Variants in KCNC4 observed in about 807,000 individuals in gnomAD.
The protein encoded by KCNC4 is potassium voltage-gated channel subfamily C member 4.
A neutral mutation model predicts 42.8 loss-of-function variants in KCNC4; 23 were observed. The observed-to-expected ratio is 0.54, with a 90% CI of 0.39 to 0.76. The LOEUF (loss-of-function observed/expected upper bound fraction) is 0.76, where lower values mean the gene tolerates loss of function less well. Among genes scored for constraint, KCNC4 ranks in the 30% least tolerant of loss-of-function variants. The pLI, the probability that KCNC4 is intolerant of heterozygous loss-of-function variation, is 0.00. For synonymous variants in KCNC4, 422 were observed against 393.5 expected (o/e 1.07, Z -0.86); for missense variants, 751 against 898.2 (o/e 0.84, Z 2.10).
intron 2 of KCNC4, 129 bp from the exon 3 acceptor site, chr1:110,225,846 T>C: frequency 1.2e-6 from 1 of 859,490 alleles, no homozygotes; most frequent in South Asian, 1.7e-5. Context: ...CAATGCTGCC[T>C]CTCAGGTAGA....
chr1:110,226,331 A>C, intron 3 of KCNC4, 153 bp downstream of exon 3: 1 of 672,760 alleles, frequency 1.5e-6, no homozygotes, highest in Non-Finnish European at 2.7e-6. Flanking sequence ...TGGGTACCTG[A>C]TCTCCCAGTC....
At chr1:110,237,821 G>A (rs1367535272), downstream of KCNC4, 1 of 152,286 alleles carries the variant, frequency 6.6e-6, no homozygotes, top group Non-Finnish European at 1.5e-5. Context: ...CTAGTCTGGA[G>A]CGAGGGGAGT....
chr1:110,238,633 C>A (rs757337292), downstream of KCNC4: 2 of 152,190 alleles, frequency 1.3e-5, no homozygotes, highest in African/African-American at 4.8e-5. Flanking sequence ...ACAGACACAC[C>A]TGCGTGGCAG....
chr1:110,241,819 C>T (rs1160503047), exon 4 of KCNC4: 1 of 152,192 alleles, frequency 6.6e-6, no homozygotes, highest in African/African-American at 2.4e-5. Flanking sequence ...CTTGAATATT[C>T]CTCCATTATA....
chr1:110,233,997 G>C lies in KCNC4; in HGVS notation c.*1025G>C, dbSNP rs766109751. The C allele has an allele frequency of 2.0e-5, 3 of 152,264 alleles. No homozygotes were observed. Among genetic ancestry groups the C allele is most frequent in the South Asian group, 2.1e-4 (1 of 4,810 alleles). 9.4% of individuals were successfully genotyped at this position (152,264 alleles called of 1,614,324 possible). ...TGCCTCCAACTGTCATGCTGTGCTC[G>C]AGCCCCAATAAAGACATCTGGAGCA... On this transcript the variant is annotated 3_prime_UTR_variant, in exon 4 of 4. Coordinates refer to ENST00000438661, the MANE Select transcript of KCNC4 (RefSeq NM_001039574.3).
chr1:110,233,302 C>A lies in KCNC4; in HGVS notation c.*330C>A. ...AGCCCTTGCCCCACCCAGAGTTTCC[C>A]GTCCCCTTCACTGATTTCTGTTGTT... On this transcript the variant is annotated 3_prime_UTR_variant, in exon 4 of 4. Coordinates refer to ENST00000438661, the MANE Select transcript of KCNC4 (RefSeq NM_001039574.3). 2.5e-6 allele frequency: 1 copy of A among 403,372 alleles called. No homozygotes were observed. Among genetic ancestry groups the A allele is most frequent in the Non-Finnish European group, 4.5e-6 (1 of 223,718 alleles). The allele number at this position is 403,372 out of a possible 1,614,324, so 25.0% of individuals were successfully genotyped here. A position where few individuals can be genotyped will look rare whatever the true frequency, so the allele number is the denominator to read the frequency against.
intron 1 of KCNC4, among the ~76,000 whole-genome samples, chr1:110,276,631 T>G (rs1659731676): frequency 6.6e-6 from 1 of 152,174 alleles, no homozygotes; most frequent in Admixed American, 6.5e-5. Context: ...CCAGCCTGTT[T>G]GGGTTCTATT....
intron 1 of KCNC4, among the ~76,000 whole-genome samples, chr1:110,264,250 G>A (rs935023269): frequency 1.9e-4 from 29 of 152,320 alleles, no homozygotes; most frequent in African/African-American, 6.7e-4. Context: ...AATACATAGA[G>A]TCTGTGCATT....
At chr1:110,228,834 C>T (rs571693400) in intron 3 of KCNC4, 2 of 152,478 alleles carry the variant, frequency 1.3e-5, no homozygotes. Flanking sequence ...CTTAGGCCCC[C>T]GAGCCTGCCC....
intron 1 of KCNC4, among the ~76,000 whole-genome samples, chr1:110,264,490 C>A (rs1023458899): frequency 1.3e-5 from 2 of 152,130 alleles, no homozygotes; most frequent in Non-Finnish European, 2.9e-5. Context: ...CTTAGTCCCC[C>A]CTTATCTGAG....
In KCNC4 at chr1:110,232,943, G is replaced by T. The variant is rs753203873; in HGVS notation, c.1852G>T (p.Ala618Ser). The T allele has an allele frequency of 1.6e-5, 26 of 1,611,988 alleles. No homozygotes were observed. In the South Asian group the frequency reaches 2.8e-4, roughly 17 times the overall value. ...TCQDALSSNY[A>S]QAEVLTLS ...CCAAGACGCCCTCTCGTCCAACTAT[G>T]CCCAGGCTGAAGTCCTCACCCTCTC... Residue 618 changes from alanine to serine, a missense_variant, in exon 4 of 4, where the codon GCC (alanine) becomes TCC (serine). Transcript: ENST00000438661.
rs574096948 is a variant in KCNC4 at position 110,223,861 on chromosome 1, C to A, written c.1576C>A (p.Pro526Thr). The change falls in exon 2 of 4, where the codon CCT becomes ACT. Residue 526 changes from proline (P) to threonine (T), a missense_variant. Transcript: ENST00000438661. The surrounding 1 kb of genome is among the most constrained non-coding windows in gnomAD (Gnocchi z 7.5). ...RDSTCSDTSP[P>T]AREEGMIERK... Reference sequence around the variant, plus strand: ...CAGCACCTGCAGTGATACCAGCCCCCCTGCCCGGGAAGAGGGTATGATCGA... The same window carrying A: ...CAGCACCTGCAGTGATACCAGCCCCACTGCCCGGGAAGAGGGTATGATCGA... 6.2e-7 allele frequency: 1 copy of A among 1,604,888 alleles called. No homozygotes were observed. Among genetic ancestry groups the A allele is most frequent in the East Asian group, 2.2e-5 (1 of 44,734 alleles).
chr1:110,258,640 A>G (rs956617359), intron 1 of KCNC4, among the ~76,000 whole-genome samples: 2 of 152,206 alleles, frequency 1.3e-5, no homozygotes, highest in Admixed American at 1.3e-4. Context: ...CCTTCAAATC[A>G]TTCACACAGA....
intron 3 of KCNC4, 145 bp from the exon 4 acceptor site, chr1:110,232,766 G>T: frequency 6.5e-7 from 1 of 1,537,180 alleles, no homozygotes; most frequent in South Asian, 1.2e-5. Context: ...CACACCCTGT[G>T]GGTCAGCAGC....
At chr1:110,221,339 C>T (rs1658084155) in intron 1 of KCNC4, 1 of 152,236 alleles carries the variant, frequency 6.6e-6, no homozygotes, top group South Asian at 2.1e-4. Flanking sequence ...GTTCATCCTG[C>T]ATAAAATGGG....
intron 1 of KCNC4, among the ~76,000 whole-genome samples, chr1:110,262,871 C>T (rs1261395873): frequency 2.0e-5 from 3 of 152,274 alleles, no homozygotes; most frequent in East Asian, 3.9e-4. Context: ...AAGCATTTGT[C>T]GTGATGAGGA....
At chr1:110,226,527 A>T (rs1018384524) in intron 3 of KCNC4, among the ~76,000 whole-genome samples, 1 of 152,122 alleles carries the variant, frequency 6.6e-6, no homozygotes, top group African/African-American at 2.4e-5. Flanking sequence ...CCACAGGGTC[A>T]CTGCCAGCCT....
At chr1:110,280,878 C>T (rs1284775583) in intron 1 of KCNC4, among the ~76,000 whole-genome samples, 1 of 152,184 alleles carries the variant, frequency 6.6e-6, no homozygotes, top group Non-Finnish European at 1.5e-5. Context: ...AATTCCTGGC[C>T]CCACGTAGAC....
chr1:110,239,868 A>C (rs1019123130), exon 4 of KCNC4: 5 of 152,206 alleles, frequency 3.3e-5, no homozygotes, highest in Non-Finnish European at 7.3e-5. Context: ...GGTACTTGTC[A>C]AATTCCCCTT....
Sources: gnomAD v4.1 joint callset for allele counts (sites outside exome capture counted in the v4.1 genomes callset) on GRCh38, gnomAD v4.1.1 for gene constraint, Gnocchi (gnomAD v3.1) non-coding constraint, MANE v1.5 for transcripts, NCBI Gene and HGNC (gene_info 2026-07-23, HGNC 2026-07-21) for gene names.